Variants in PHACTR3 observed in about 807,000 individuals in gnomAD.
PHACTR3 encodes the protein protein phosphatase 1, regulatory subunit 123.
PHACTR3 carries 16 observed loss-of-function variants against 66.8 expected under a neutral mutation model. The observed-to-expected ratio is 0.24, with a 90% confidence interval of 0.16 to 0.36. PHACTR3 has a LOEUF of 0.36. PHACTR3 is among the 10% of genes least tolerant of loss of function. The pLI is 1.00. For synonymous variants in PHACTR3, 323 were observed against 292.1 expected (o/e 1.11, Z -1.08); for missense variants, 647 against 719.9 (o/e 0.90, Z 1.16).
chr20:59,836,766 C>A (rs1192885386), intron 9 of PHACTR3, among the ~76,000 whole-genome samples: 1 of 152,076 alleles, frequency 6.6e-6, no homozygotes, highest in African/African-American at 2.4e-5. Flanking sequence ...AAAAAAACTC[C>A]TTTCCTCTTA....
chr20:59,609,374 G>T (rs905181990), intron 1 of PHACTR3, among the ~76,000 whole-genome samples: 1 of 151,946 alleles, frequency 6.6e-6, no homozygotes, highest in South Asian at 2.1e-4. Context: ...CCCACACACC[G>T]TCAACACCAG....
At chr20:59,689,412 G>A (rs926177287) in intron 1 of PHACTR3, among the ~76,000 whole-genome samples, 27 of 152,262 alleles carry the variant, frequency 1.8e-4, no homozygotes, top group Non-Finnish European at 4.0e-4. Flanking sequence ...AGGGGCTGAG[G>A]AGTTGTTGAG....
chr20:59,669,215 C>T (rs1380186997), intron 1 of PHACTR3, among the ~76,000 whole-genome samples: 1 of 152,144 alleles, frequency 6.6e-6, no homozygotes, highest in African/African-American at 2.4e-5. Context: ...AGGGAGAGCC[C>T]TCAGTGTGAC....
chr20:59,678,149 G>T (rs965681812), intron 1 of PHACTR3, among the ~76,000 whole-genome samples: 5 of 152,098 alleles, frequency 3.3e-5, no homozygotes, highest in African/African-American at 1.2e-4. Context: ...AATAGATATA[G>T]ATTTTTTTTT....
chr20:59,802,180 G>T (rs528297420), intron 7 of PHACTR3, among the ~76,000 whole-genome samples: 6 of 152,196 alleles, frequency 3.9e-5, no homozygotes, highest in African/African-American at 1.2e-4. Context: ...AGCTGAATGT[G>T]CAAGCCTGGA....
intron 1 of PHACTR3, among the ~76,000 whole-genome samples, chr20:59,652,550 C>A (rs2035490156): frequency 6.6e-6 from 1 of 152,194 alleles, no homozygotes; most frequent in Non-Finnish European, 1.5e-5. Context: ...AGAGTGAGAC[C>A]TTATCTCTTA....
chr20:59,810,620 T>C lies in PHACTR3; in HGVS notation c.1328+4426T>C, dbSNP rs142525519. 9.8e-3 allele frequency among the ~76,000 whole-genome samples: 1,488 copies of C among 152,336 alleles called. 7 individuals carry two copies. Among genetic ancestry groups the C allele is most frequent in the Non-Finnish European group, 0.013 (915 of 68,032 alleles). ...ATCCCAAAGAACATTTGCGATTTCC[T>C]TTTTTTAATTTCCAGAACCTTCATA... is the stretch of plus-strand genomic sequence containing the variant. On this transcript the variant is annotated intron_variant, in intron 8 of 12. Transcript: ENST00000371015.
chr20:59,811,412 A>AC (rs1263204765), intron 8 of PHACTR3, among the ~76,000 whole-genome samples: 14 of 152,184 alleles, frequency 9.2e-5, no homozygotes, highest in Admixed American at 9.2e-4. Flanking sequence ...TAATCCCAGC[A>AC]CTTTGGGAGG....
intron 1 of PHACTR3, 35 bp downstream of exon 1, chr20:59,605,167 G>A: frequency 1.6e-6 from 2 of 1,252,570 alleles, no homozygotes; most frequent in Non-Finnish European, 2.0e-6. Context: ...GGCGGGTCGG[G>A]GAGGCCCGAG....
At chr20:59,744,542 G>T (rs190830277) in intron 2 of PHACTR3, among the ~76,000 whole-genome samples, 9 of 152,204 alleles carry the variant, frequency 5.9e-5, no homozygotes, top group Admixed American at 2.0e-4. Flanking sequence ...CTGAAGAGGC[G>T]CAGGCTCCAG....
chr20:59,845,265 G>T lies in PHACTR3; in HGVS notation c.1664G>T (p.Arg555Ile). 1 of 1,598,654 alleles carries T rather than the reference G, an allele frequency of 6.3e-7. No homozygotes were observed. Among genetic ancestry groups the T allele is most frequent in the East Asian group, 2.2e-5 (1 of 44,624 alleles). ...CATGCATCAAGCAAGCACTTGACAAGGTCAGATTTGTTTCTGTGAATTTCA... is the reference window on the plus strand; with the variant it reads ...CATGCATCAAGCAAGCACTTGACAATGTCAGATTTGTTTCTGTGAATTTCA... ...EVHASSKHLTRFHRP is the reference protein window; with the variant it reads ...EVHASSKHLTIFHRP The change falls in exon 12 of 13, where the codon AGA becomes ATA. Residue 555 changes from arginine (R) to isoleucine (I), a missense_variant and splice_region_variant. Arg to Ile is a moderately conservative substitution (Grantham distance 97). This residue lies in a region of PHACTR3 where 70 missense variants were observed against 148.8 expected (regional missense o/e 0.47). Coordinates refer to ENST00000371015, the MANE Select transcript of PHACTR3 (RefSeq NM_080672.5).
chr20:59,724,123 G>A (rs543318278), intron 1 of PHACTR3, among the ~76,000 whole-genome samples: 1 of 152,272 alleles, frequency 6.6e-6, no homozygotes, highest in African/African-American at 2.4e-5. Flanking sequence ...GTGGCGCCTG[G>A]GCTGGCCAAC....
chr20:59,635,169 C>CTTTCTTTCTTTCTTTCTTTCTTT (rs1555881178), intron 1 of PHACTR3, among the ~76,000 whole-genome samples: 1 of 55,376 alleles, frequency 1.8e-5, no homozygotes, highest in African/African-American at 7.4e-5. Flanking sequence ...TTCTTTCTTT[C>CTTTCTTTCTTTCTTTCTTTCTTT]CTTTCTTTCT....
At position 59,684,759 on chromosome 20, in the gene PHACTR3, C is replaced by T. The variant is rs185507202; in HGVS notation, c.119-58348C>T. ...AGGATCTGCTGAGCTGTTATGACAT[C>T]GTGCCCACAACTGTGCAGGCATTTG... On this transcript the variant is annotated intron_variant, in intron 1 of 12. Coordinates refer to ENST00000371015, the MANE Select transcript of PHACTR3 (RefSeq NM_080672.5). Among the ~76,000 whole-genome samples, 9 of 152,344 alleles carry T rather than the reference C, an allele frequency of 5.9e-5. No individual in the cohort carries two copies. In the East Asian group the frequency reaches 9.7e-4, roughly 16 times the overall value.
intron 12 of PHACTR3, 70 bp downstream of exon 12, chr20:59,845,335 C>T (rs1205324434): frequency 1.0e-6 from 1 of 968,906 alleles, no homozygotes; most frequent in African/African-American, 1.6e-5. Flanking sequence ...CCGTCCCCCG[C>T]CACAAACCAT....
intron 1 of PHACTR3, among the ~76,000 whole-genome samples, chr20:59,613,257 G>A (rs1186673926): frequency 6.6e-6 from 1 of 152,250 alleles, no homozygotes; most frequent in Non-Finnish European, 1.5e-5. Context: ...CCTTCCACCA[G>A]AAGTCCAGAC....
chr20:59,736,564 A>T lies in PHACTR3; in HGVS notation c.119-6543A>T, dbSNP rs977481659. ...TGTAGGTGCACACCCACCCATGCCC[A>T]TGCATGCTGGCTCTGCAGTTGCTCA... On this transcript the variant is annotated intron_variant, in intron 1 of 12. Transcript: ENST00000371015. This position sits in a 1 kb window ranked among gnomAD's most constrained non-coding sequence, Gnocchi z 4.6. Among the ~76,000 whole-genome samples, 9 of 121,680 alleles carry T rather than the reference A, an allele frequency of 7.4e-5. No homozygotes were observed. The highest frequency in any genetic ancestry group is 1.5e-4 in the Non-Finnish European group (9 of 61,428). The allele number at this position is 121,680 out of a possible 152,430, so 79.8% of individuals were successfully genotyped here. A position where few individuals can be genotyped will look rare whatever the true frequency, so the allele number is the denominator to read the frequency against.
At chr20:59,596,012 C>G (rs2033318084) in intron 1 of PHACTR3, among the ~76,000 whole-genome samples, 1 of 152,214 alleles carries the variant, frequency 6.6e-6, no homozygotes, top group South Asian at 2.1e-4. Flanking sequence ...GAACGCAGTT[C>G]AAGAAGCAGA....
chr20:59,639,049 G>A (rs976708797), intron 1 of PHACTR3, among the ~76,000 whole-genome samples: 2 of 136,340 alleles, frequency 1.5e-5, no homozygotes, highest in African/African-American at 5.6e-5. Context: ...ATGGATAAAT[G>A]GAGATGGATA....
Sources: gnomAD v4.1 joint callset for allele counts (sites outside exome capture counted in the v4.1 genomes callset) on GRCh38, gnomAD v4.1.1 for gene constraint, gnomAD v4.1.1 regional missense constraint, Gnocchi (gnomAD v3.1) non-coding constraint, MANE v1.5 for transcripts, NCBI Gene and HGNC (gene_info 2026-07-23, HGNC 2026-07-21) for gene names.